The following SCFD2 variants were observed in gnomAD, a reference collection of about 807,000 sequenced individuals.
The protein encoded by SCFD2 is sec1 family domain-containing protein 2.
In SCFD2, 54 loss-of-function variants were observed where a neutral mutation model predicts 58.9. The observed-to-expected ratio is 0.92, with a 90% CI of 0.74 to 1.15. The LOEUF is 1.15. Ranked by LOEUF, SCFD2 falls within the 50% of genes most tolerant of loss-of-function variation. SCFD2 has a pLI of 0.00. For synonymous variants in SCFD2, 321 were observed against 335.9 expected, an observed-to-expected ratio of 0.96 and a Z score of 0.49; for missense variants, 805 against 836.6, an observed-to-expected ratio of 0.96 and a Z score of 0.47.
chr4:53,329,750 A>G (rs1264043303), intron 2 of SCFD2, among the ~76,000 whole-genome samples: 1 of 151,624 alleles, frequency 6.6e-6, no homozygotes, highest in Admixed American at 6.6e-5. Context: ...ATGGAGAATG[A>G]CTTTGACGAG....
At position 53,273,818 on chromosome 4, in the gene SCFD2, C is replaced by G; in HGVS notation, c.1311+8G>C. ...TTAAGATCCCACGAGGTTCCCATAG[C>G]AACATACCTGAAGAAGGAGCCTTTC... is the stretch of plus-strand genomic sequence containing the variant. On this transcript the variant is annotated splice_region_variant and intron_variant, in intron 4 of 8. Coordinates refer to ENST00000401642, the MANE Select transcript of SCFD2 (RefSeq NM_152540.4). The G allele has an allele frequency of 1.2e-6, 2 of 1,608,534 alleles. No homozygotes were observed.
At chr4:53,104,601 T>C (rs761527241) in intron 5 of SCFD2, among the ~76,000 whole-genome samples, 15 of 152,226 alleles carry the variant, frequency 9.9e-5, no homozygotes, top group Non-Finnish European at 2.1e-4. Flanking sequence ...AAATGTACCA[T>C]ACTAACGTAA....
chr4:52,887,290 T>G (rs1718762295), intron 7 of SCFD2, among the ~76,000 whole-genome samples: 1 of 152,202 alleles, frequency 6.6e-6, no homozygotes. Context: ...GGGTCCATGT[T>G]GCATGGAACC....
In SCFD2 at chr4:53,250,761, A is replaced by T. The variant is rs62326410; in HGVS notation, c.1311+23065T>A. Among the ~76,000 whole-genome samples, 967 of 152,240 alleles carry T rather than the reference A, an allele frequency of 6.4e-3. 3 individuals are homozygous for T. The highest frequency in any genetic ancestry group is 0.011 in the Non-Finnish European group (720 of 67,966). The stretch of plus-strand genomic sequence containing the variant: ...TTCAAAGCAGTGTGTAGAGGGAAAT[A>T]TATAGCACTAAATGCCCACAAGAGA... On this transcript the variant is annotated intron_variant, in intron 4 of 8. Coordinates refer to ENST00000401642, the MANE Select transcript of SCFD2 (RefSeq NM_152540.4).
At chr4:52,974,707 G>T (rs1281028454) in intron 5 of SCFD2, among the ~76,000 whole-genome samples, 6 of 151,850 alleles carry the variant, frequency 4.0e-5, no homozygotes, top group African/African-American at 1.2e-4. Context: ...AGCCTGCATT[G>T]CCAAGTCAAC....
intron 4 of SCFD2, among the ~76,000 whole-genome samples, chr4:53,252,637 G>C (rs1730437206): frequency 6.6e-6 from 1 of 151,882 alleles, no homozygotes; most frequent in Non-Finnish European, 1.5e-5. Context: ...AATGGGGAAA[G>C]GATTCCCTAT....
intron 5 of SCFD2, among the ~76,000 whole-genome samples, chr4:52,941,686 C>T (rs1007117870): frequency 6.6e-6 from 1 of 152,212 alleles, no homozygotes; most frequent in Admixed American, 6.5e-5. Context: ...GACTGCCTAG[C>T]TTAAACAGAG....
chr4:52,928,040 T>C (rs1451293054), intron 5 of SCFD2, among the ~76,000 whole-genome samples: 4 of 152,090 alleles, frequency 2.6e-5, no homozygotes, highest in East Asian at 3.8e-4. Context: ...AGTTCTAACA[T>C]AAAAAAATTA....
intron 5 of SCFD2, among the ~76,000 whole-genome samples, chr4:52,982,788 G>A (rs1361682249): frequency 6.6e-6 from 1 of 152,134 alleles, no homozygotes; most frequent in African/African-American, 2.4e-5. Context: ...TAATTACTCA[G>A]CAGACCTTTA....
intron 3 of SCFD2, among the ~76,000 whole-genome samples, chr4:53,296,338 A>T (rs1732030414): frequency 6.6e-6 from 1 of 152,110 alleles, no homozygotes; most frequent in Non-Finnish European, 1.5e-5. Flanking sequence ...CTATTCAGGG[A>T]TTCAACTTCT....
Position 53,135,615 on chromosome 4 carries a change from G to A in SCFD2, c.1561+9718C>T, listed in dbSNP as rs182110084. Among the ~76,000 whole-genome samples, 327 of 152,214 alleles carry A rather than the reference G, an allele frequency of 2.1e-3. 1 individual carries two copies. Among genetic ancestry groups the A allele is most frequent in the African/African-American group, 7.7e-3 (319 of 41,532 alleles). On this transcript the variant is annotated intron_variant, in intron 5 of 8. Transcript: ENST00000401642. ...AAATTAGCTGGGCATGGTGGTACGT[G>A]CCTGTAGTCTCAGCTACTCGGGAGG...
intron 5 of SCFD2, among the ~76,000 whole-genome samples, chr4:53,027,906 T>C (rs1198939813): frequency 6.6e-6 from 1 of 152,096 alleles, no homozygotes; most frequent in Non-Finnish European, 1.5e-5. Context: ...ATTTTATTTT[T>C]TTTTTCTTTA....
At chr4:53,278,116 C>T (rs1200467914) in intron 3 of SCFD2, among the ~76,000 whole-genome samples, 4 of 152,002 alleles carry the variant, frequency 2.6e-5, no homozygotes, top group Non-Finnish European at 1.5e-5. Flanking sequence ...CCTGTAATCC[C>T]AGCACTTTTG....
chr4:52,889,460 T>A (rs1157656174), intron 7 of SCFD2, among the ~76,000 whole-genome samples: 1 of 152,234 alleles, frequency 6.6e-6, no homozygotes, highest in Admixed American at 6.5e-5. Context: ...ATTATCTGCA[T>A]AGAGTCTCAT....
chr4:52,956,253 C>T (rs1720709628), intron 5 of SCFD2: 1 of 456,700 alleles, frequency 2.2e-6, no homozygotes, highest in Non-Finnish European at 4.4e-6. Flanking sequence ...GAAGGCAAAC[C>T]TCCTTCCCCT....
intron 2 of SCFD2, among the ~76,000 whole-genome samples, chr4:53,318,522 T>G (rs866028328): frequency 6.6e-6 from 1 of 152,136 alleles, no homozygotes; most frequent in South Asian, 2.1e-4. Flanking sequence ...ATTTTTAGTT[T>G]TTAAAAGCAC....
intron 5 of SCFD2, among the ~76,000 whole-genome samples, chr4:53,017,819 C>T (rs1722250520): frequency 6.6e-6 from 1 of 152,120 alleles, no homozygotes; most frequent in South Asian, 2.1e-4. Flanking sequence ...TTGAAGAAAC[C>T]CAGCAAGCCA....
intron 2 of SCFD2, among the ~76,000 whole-genome samples, chr4:53,344,169 G>C (rs1490066355): frequency 2.6e-5 from 4 of 151,776 alleles, no homozygotes; most frequent in African/African-American, 9.7e-5. Context: ...GTCTCTGTTT[G>C]CAGATGACAT....
chr4:53,039,289 C>CT (rs1241207127), intron 5 of SCFD2, among the ~76,000 whole-genome samples: 1 of 152,054 alleles, frequency 6.6e-6, no homozygotes, highest in Non-Finnish European at 1.5e-5. Flanking sequence ...CTTTCTCATC[C>CT]TTTGTTCTCT....
Sources: allele counts gnomAD v4.1 joint callset (sites outside exome capture counted in the v4.1 genomes callset), GRCh38; gene constraint gnomAD v4.1.1; transcripts MANE v1.5; gene names NCBI Gene and HGNC (gene_info 2026-07-23, HGNC 2026-07-21).